The following NUP210 variants were observed in gnomAD, a reference collection of about 807,000 sequenced individuals.
The protein encoded by NUP210 is nuclear pore membrane glycoprotein 210.
Under a neutral mutation model 196.0 loss-of-function variants are expected in NUP210, and 151 were observed. That is an observed-to-expected ratio of 0.77 (90% CI 0.67 to 0.88). The LOEUF is 0.88. Among genes scored for constraint, NUP210 ranks in the 40% least tolerant of loss-of-function variants. The pLI is 0.00. For synonymous variants in NUP210, 1,070 were observed against 1,052.7 expected, an observed-to-expected ratio of 1.02 and a Z score of -0.32; for missense variants, 2,314 against 2,493.7, an observed-to-expected ratio of 0.93 and a Z score of 1.53.
rs116383576 is a variant in NUP210, at chr3:13,390,238, G to C, written c.533+973C>G. ...AGGGTGACGGGACATGAGGCTGGCA[G>C]CCGGCTCTCAGGTGAATGAGGGAGA... is the stretch of plus-strand genomic sequence containing the variant. On this transcript the variant is annotated intron_variant, in intron 4 of 39. Transcript: ENST00000254508. 3.3e-3 allele frequency among the ~76,000 whole-genome samples: 498 copies of C among 152,298 alleles called. 5 individuals carry two copies. The highest frequency in any genetic ancestry group is 0.012 in the African/African-American group (487 of 41,548).
At chr3:13,363,504 A>G (rs1698435661) in intron 14 of NUP210, among the ~76,000 whole-genome samples, 1 of 152,236 alleles carries the variant, frequency 6.6e-6, no homozygotes, top group African/African-American at 2.4e-5. Flanking sequence ...CTTAGGCATG[A>G]AAGTATCATG....
At chr3:13,359,319 T>C (rs1359855564) in intron 15 of NUP210, among the ~76,000 whole-genome samples, 1 of 152,182 alleles carries the variant, frequency 6.6e-6, no homozygotes, top group Non-Finnish European at 1.5e-5. Context: ...TCCAACTTAA[T>C]TCATGAGGAA....
intron 37 of NUP210, among the ~76,000 whole-genome samples, 191 bp downstream of exon 37, chr3:13,319,572 A>G (rs935917470): frequency 6.6e-6 from 1 of 152,172 alleles, no homozygotes; most frequent in East Asian, 1.9e-4. Context: ...TGCCATGTTG[A>G]GAACAGATGG....
chr3:13,397,271 G>T, intron 3 of NUP210, 86 bp downstream of exon 3: 1 of 1,490,012 alleles, frequency 6.7e-7, no homozygotes, highest in East Asian at 2.5e-5. Context: ...TGCCAGAGGA[G>T]TGGGGAATGC....
chr3:13,402,649 A>G, intron 1 of NUP210, among the ~76,000 whole-genome samples: 1 of 152,192 alleles, frequency 6.6e-6, no homozygotes, highest in African/African-American at 2.4e-5. Context: ...GACTCATACA[A>G]GCCTGAGATA....
chr3:13,330,669 G>C (rs776689630), intron 29 of NUP210, 35 bp from the exon 30 acceptor site: 11 of 1,594,672 alleles, frequency 6.9e-6, no homozygotes, highest in Non-Finnish European at 9.4e-6. Flanking sequence ...TTTTGTAGAT[G>C]GCAGCAGTGG....
chr3:13,377,708 C>T, intron 8 of NUP210, 146 bp from the exon 9 acceptor site: 1 of 590,052 alleles, frequency 1.7e-6, no homozygotes, highest in African/African-American at 1.9e-5. Context: ...CACCACCCAC[C>T]TGCAGGCCCC....
intron 27 of NUP210, among the ~76,000 whole-genome samples, chr3:13,336,492 G>C (rs1362891205): frequency 6.6e-6 from 1 of 152,198 alleles, no homozygotes; most frequent in African/African-American, 2.4e-5. Flanking sequence ...GGGCTGCCAG[G>C]CATCATCTCA....
intron 20 of NUP210, among the ~76,000 whole-genome samples, chr3:13,351,230 G>A (rs1208125274): frequency 6.6e-6 from 1 of 152,150 alleles, no homozygotes; most frequent in African/African-American, 2.4e-5. Flanking sequence ...AGTAGGGAGA[G>A]GGTCAAGAGA....
chr3:13,359,604 C>T (rs1698301682), intron 15 of NUP210, among the ~76,000 whole-genome samples: 1 of 152,288 alleles, frequency 6.6e-6, no homozygotes, highest in Non-Finnish European at 1.5e-5. Flanking sequence ...TCCTGATTCC[C>T]GCCGAATACC....
chr3:13,343,339 T>TGG, intron 20 of NUP210, 36 bp from the exon 21 acceptor site: 1 of 282,520 alleles, frequency 3.5e-6, no homozygotes, highest in Non-Finnish European at 6.1e-6. Context: ...GGGTGGGTGG[T>TGG]GGGTTACGCA....
At chr3:13,382,073 C>T (rs1699121268) in intron 6 of NUP210, among the ~76,000 whole-genome samples, 1 of 152,210 alleles carries the variant, frequency 6.6e-6, no homozygotes, top group African/African-American at 2.4e-5. Context: ...GAACCTCAGC[C>T]CAACACATGT....
At chr3:13,358,157 C>A in intron 16 of NUP210, 65 bp downstream of exon 16, 1 of 1,468,830 alleles carries the variant, frequency 6.8e-7, no homozygotes. Context: ...TGGGCGAGGC[C>A]ACCAATGTCC....
chr3:13,367,519 C>T lies in NUP210; in HGVS notation c.1787-1428G>A, dbSNP rs541111744. 5.3e-5 allele frequency among the ~76,000 whole-genome samples: 8 copies of T among 152,148 alleles called. No homozygotes were observed. The South Asian group carries it at 8.3e-4, about 16-fold the overall frequency. The stretch of plus-strand genomic sequence containing the variant: ...CATACTGGACCCACCCTATATGCAG[C>T]ACCCACATCAACAAATAGAATATTA... On this transcript the variant is annotated intron_variant, in intron 13 of 39. Coordinates refer to ENST00000254508, the MANE Select transcript of NUP210 (RefSeq NM_024923.4).
At chr3:13,376,744 C>T (rs1251753482) in intron 9 of NUP210, among the ~76,000 whole-genome samples, 2 of 151,892 alleles carry the variant, frequency 1.3e-5, no homozygotes, top group African/African-American at 4.8e-5. Flanking sequence ...CCAGTAAATA[C>T]AAAAAAAAGG....
At chr3:13,322,941 G>A (rs537119393) in intron 34 of NUP210, among the ~76,000 whole-genome samples, 367 of 152,298 alleles carry the variant, frequency 2.4e-3, no homozygotes, top group African/African-American at 8.4e-3. Flanking sequence ...TGCATGACCT[G>A]GGAGAGGTCA....
intron 2 of NUP210, among the ~76,000 whole-genome samples, chr3:13,397,739 C>T (rs1576417942): frequency 6.6e-6 from 1 of 151,544 alleles, no homozygotes; most frequent in East Asian, 1.9e-4. Flanking sequence ...AAGCTGTGGG[C>T]AAAAAAAACT....
chr3:13,328,873 G>A lies in NUP210; in HGVS notation c.4184C>T (p.Ala1395Val), dbSNP rs1396846629. 6 of 1,614,032 alleles carry A rather than the reference G, an allele frequency of 3.7e-6. No homozygotes were observed. The highest frequency in any genetic ancestry group is 4.2e-6 in the Non-Finnish European group (5 of 1,180,010). ...GGTCACGGTCATTCCCAAAGGCACG[G>A]CCACCAGGGCCTCCTTGTTCTGGGT... ...LHTQNKEALV[A>V]VPLGMTVTFT... The change falls in exon 31 of 40, where the codon GCC (alanine) becomes GTC (valine). Residue 1395 changes from alanine to valine, a missense_variant. Physicochemically the swap from Ala to Val is moderately conservative, Grantham distance 64. Transcript: ENST00000254508.
Position 13,319,799 on chromosome 3 carries a change from C to G in NUP210, c.5347G>C (p.Val1783Leu). The change falls in exon 37 of 40, where the codon GTG (valine) becomes CTG (leucine). Residue 1783 changes from valine (V) to leucine (L), a missense_variant. Transcript: ENST00000254508. The part of the protein sequence containing the change: ...TNQAIAIPVT[V>L]AFVVDRRGPG... Reference sequence around the variant, plus strand: ...CCACGGCGATCCACCACAAAAGCCACTGTCACTGGGATGGCAATGGCTTGG... The same window carrying G: ...CCACGGCGATCCACCACAAAAGCCAGTGTCACTGGGATGGCAATGGCTTGG... The G allele has an allele frequency of 1.2e-6, 2 of 1,614,236 alleles. No homozygotes were observed. The highest frequency in any genetic ancestry group is 1.7e-6 in the Non-Finnish European group (2 of 1,180,030).
Sources: allele counts gnomAD v4.1 joint callset (sites outside exome capture counted in the v4.1 genomes callset), GRCh38; gene constraint gnomAD v4.1.1; transcripts MANE v1.5; gene names NCBI Gene and HGNC (gene_info 2026-07-23, HGNC 2026-07-21).